Variants in HECW1 observed in about 807,000 individuals in gnomAD.
The protein encoded by HECW1 is E3 ubiquitin-protein ligase HECW1.
A neutral mutation model predicts 182.3 loss-of-function variants in HECW1; 61 were observed. The observed-to-expected ratio is 0.33, with a 90% confidence interval of 0.27 to 0.41. The LOEUF is 0.41. HECW1 is among the 10% of genes least tolerant of loss of function. HECW1 has a pLI of 1.00. For synonymous variants in HECW1, 859 were observed against 832.6 expected (o/e 1.03, Z -0.55); for missense variants, 1,739 against 2,108.9 (o/e 0.82, Z 3.44).
chr7:43,382,370 T>C (rs1009760453), intron 6 of HECW1, among the ~76,000 whole-genome samples: 1 of 152,178 alleles, frequency 6.6e-6, no homozygotes, highest in Non-Finnish European at 1.5e-5. Context: ...ATGCCTGTGA[T>C]GCTCTCAGCA....
chr7:43,144,444 GA>G (rs981723955), intron 2 of HECW1, among the ~76,000 whole-genome samples: 19 of 152,084 alleles, frequency 1.2e-4, no homozygotes, highest in African/African-American at 4.3e-4. Context: ...CTTCCTCCTT[GA>G]AAGCAGACAC....
chr7:43,363,410 T>G (rs1375076193), intron 6 of HECW1, among the ~76,000 whole-genome samples: 1 of 152,188 alleles, frequency 6.6e-6, no homozygotes, highest in East Asian at 1.9e-4. Flanking sequence ...TACTTCAAAC[T>G]CTGGCATCTT....
At position 43,114,364 on chromosome 7, in the gene HECW1, C is replaced by G. The variant is rs895428552; in HGVS notation, c.-59C>G. 1 of 1,354,882 alleles carries G rather than the reference C, an allele frequency of 7.4e-7. No homozygotes were observed. Among genetic ancestry groups the G allele is most frequent in the African/African-American group, 1.4e-5 (1 of 68,970 alleles). The allele number at this position is 1,354,882 out of a possible 1,614,324, so 83.9% of individuals were successfully genotyped here. A position where few individuals can be genotyped will look rare whatever the true frequency, so the allele number is the denominator to read the frequency against. On this transcript the variant is annotated 5_prime_UTR_variant, in exon 2 of 30. Coordinates refer to ENST00000395891, the MANE Select transcript of HECW1 (RefSeq NM_015052.5). The stretch of plus-strand genomic sequence containing the variant: ...TGGCCAGATCTGCGTTTCTCATCAG[C>G]AGACTCACTCCGGCTGTGGCTATTA...
At chr7:43,184,454 T>C (rs553013778) in intron 2 of HECW1, among the ~76,000 whole-genome samples, 2 of 152,324 alleles carry the variant, frequency 1.3e-5, no homozygotes, top group South Asian at 4.1e-4. Flanking sequence ...TCATCCCAAT[T>C]TCCTGAGGTA....
intron 2 of HECW1, among the ~76,000 whole-genome samples, chr7:43,124,695 G>A (rs778125815): frequency 2.6e-5 from 4 of 152,172 alleles, no homozygotes; most frequent in Non-Finnish European, 4.4e-5. Context: ...TGGGATAGGG[G>A]ACTGGGAGTA....
chr7:43,426,178 C>T lies in HECW1; in HGVS notation c.802-11825C>T, dbSNP rs1429395763. Among the ~76,000 whole-genome samples, 3 of 152,172 alleles carry T rather than the reference C, an allele frequency of 2.0e-5. No homozygotes were observed. In the East Asian group the frequency reaches 5.8e-4, roughly 29 times the overall value. Reference sequence around the variant, plus strand: ...TCCTATGAGCACAAAAGTGCCAAATCTGAGGTCACAGAACATCCTTTTACA... The same window carrying T: ...TCCTATGAGCACAAAAGTGCCAAATTTGAGGTCACAGAACATCCTTTTACA... On this transcript the variant is annotated intron_variant, in intron 8 of 29. Transcript: ENST00000395891.
chr7:43,279,745 G>A (rs1342242429), intron 3 of HECW1, among the ~76,000 whole-genome samples: 1 of 151,838 alleles, frequency 6.6e-6, no homozygotes, highest in Non-Finnish European at 1.5e-5. Context: ...TCCTTCATGG[G>A]GTATAGTAAT....
At chr7:43,226,465 C>T (rs990012013) in intron 2 of HECW1, among the ~76,000 whole-genome samples, 44 of 152,284 alleles carry the variant, frequency 2.9e-4, no homozygotes, top group African/African-American at 1.1e-3. Context: ...GCGCTTGTTA[C>T]TAATAATTCA....
intron 3 of HECW1, among the ~76,000 whole-genome samples, chr7:43,282,782 T>G (rs1455218291): frequency 6.6e-6 from 1 of 152,150 alleles, no homozygotes; most frequent in East Asian, 1.9e-4. Flanking sequence ...GAATCAATAT[T>G]ATGCTTCACA....
intron 16 of HECW1, among the ~76,000 whole-genome samples, chr7:43,471,006 A>T (rs572054794): frequency 1.1e-4 from 16 of 152,364 alleles, no homozygotes; most frequent in African/African-American, 3.6e-4. Context: ...TGAGCCTTAA[A>T]ATAGCAACAG....
intron 7 of HECW1, among the ~76,000 whole-genome samples, chr7:43,401,568 T>TGTTTTG: frequency 6.4e-5 from 1 of 15,688 alleles, no homozygotes; most frequent in African/African-American, 5.1e-4. Context: ...TTTAAAAAGG[T>TGTTTTG]TTTTTTTTTT....
intron 5 of HECW1, among the ~76,000 whole-genome samples, chr7:43,329,641 TG>T (rs1811216114): frequency 6.6e-6 from 1 of 152,026 alleles, no homozygotes; most frequent in African/African-American, 2.4e-5. Flanking sequence ...GGGGCGAGTT[TG>T]GGGATTGAAG....
intron 27 of HECW1, 105 bp downstream of exon 27, chr7:43,550,696 C>T: frequency 8.3e-7 from 1 of 1,203,574 alleles, no homozygotes; most frequent in Non-Finnish European, 1.2e-6. Flanking sequence ...GTGGTGAAAA[C>T]AGAGAGGGAG....
intron 24 of HECW1, 25 bp downstream of exon 24, chr7:43,509,146 T>C: frequency 1.2e-6 from 2 of 1,606,348 alleles, no homozygotes; most frequent in Non-Finnish European, 1.7e-6. Flanking sequence ...GTTCACTTTC[T>C]TGTATTTGAA....
chr7:43,163,635 A>G (rs776145772), intron 2 of HECW1, among the ~76,000 whole-genome samples: 2 of 152,176 alleles, frequency 1.3e-5, no homozygotes, highest in Non-Finnish European at 2.9e-5. Flanking sequence ...ACCCAGATTC[A>G]GTGACCAGTT....
At chr7:43,551,476 A>G (rs1472812817) in intron 27 of HECW1, among the ~76,000 whole-genome samples, 1 of 152,238 alleles carries the variant, frequency 6.6e-6, no homozygotes, top group Non-Finnish European at 1.5e-5. Flanking sequence ...ATAAGTCATA[A>G]TTGCATGTGA....
At chr7:43,263,079 A>C (rs957673835) in intron 3 of HECW1, among the ~76,000 whole-genome samples, 1 of 152,168 alleles carries the variant, frequency 6.6e-6, no homozygotes, top group Non-Finnish European at 1.5e-5. Flanking sequence ...TCTTATCTGC[A>C]TTTTCCGCAA....
intron 3 of HECW1, among the ~76,000 whole-genome samples, chr7:43,290,530 T>C (rs1290532224): frequency 6.6e-6 from 1 of 152,122 alleles, no homozygotes; most frequent in Non-Finnish European, 1.5e-5. Context: ...AGGGAGGGGG[T>C]ATAACGAGGC....
At chr7:43,395,571 G>A (rs1168555928) in intron 6 of HECW1, among the ~76,000 whole-genome samples, 1 of 152,172 alleles carries the variant, frequency 6.6e-6, no homozygotes, top group Non-Finnish European at 1.5e-5. Context: ...TCTCTTATCT[G>A]GCCTGGTGCC....
Sources: allele counts gnomAD v4.1 joint callset (sites outside exome capture counted in the v4.1 genomes callset), GRCh38; gene constraint gnomAD v4.1.1; transcripts MANE v1.5; gene names NCBI Gene and HGNC (gene_info 2026-07-23, HGNC 2026-07-21).